The following ZCCHC14 variants were observed in gnomAD, a reference collection of about 807,000 sequenced individuals.
ZCCHC14 encodes zinc finger CCHC domain-containing protein 14.
ZCCHC14 carries 16 observed loss-of-function variants against 85.0 expected under a neutral mutation model. That is an observed-to-expected ratio of 0.19 (90% CI 0.13 to 0.29). The LOEUF (loss-of-function observed/expected upper bound fraction) is 0.29. Among genes scored for constraint, ZCCHC14 ranks in the 10% least tolerant of loss-of-function variants. The probability of loss-of-function intolerance (pLI) is 1.00; values close to 1 mark genes in which losing one functional copy is unlikely to be tolerated. For missense variants in ZCCHC14, 1,303 were observed against 1,443.5 expected (o/e 0.90, Z 1.58); for synonymous variants, 775 against 630.7 (o/e 1.23, Z -3.43).
At chr16:87,463,589 C>A (rs141327872) in intron 1 of ZCCHC14, among the ~76,000 whole-genome samples, 2,854 of 152,176 alleles carry the variant, frequency 0.019, 58 homozygotes, top group African/African-American at 0.041. Flanking sequence ...GAGGCCGAGG[C>A]GGACAGATCA....
intron 12 of ZCCHC14, among the ~76,000 whole-genome samples, chr16:87,411,066 A>G (rs987947199): frequency 2.6e-5 from 4 of 152,264 alleles, no homozygotes; most frequent in African/African-American, 9.6e-5. Flanking sequence ...CGGAAGATGC[A>G]GCATGGCTGA....
chr16:87,446,849 A>G (rs572935134), intron 2 of ZCCHC14, among the ~76,000 whole-genome samples: 16 of 151,854 alleles, frequency 1.1e-4, no homozygotes, highest in Non-Finnish European at 2.4e-4. Context: ...ATGCCTGGCT[A>G]GTTTTTTTGT....
rs971345801 is a variant in ZCCHC14 at position 87,492,417 on chromosome 16, G to A, written c.-179C>T. The A allele has an allele frequency of 1.4e-5, 2 of 145,108 alleles. No individual in the cohort carries two copies. Among genetic ancestry groups the A allele is most frequent in the Non-Finnish European group, 3.0e-5 (2 of 65,630 alleles). 9.0% of individuals were successfully genotyped at this position (145,108 alleles called of 1,614,324 possible). A position where few individuals can be genotyped will look rare whatever the true frequency, so the allele number is the denominator to read the frequency against. On this transcript the variant is annotated 5_prime_UTR_variant, in exon 1 of 13. Transcript: ENST00000671377. The surrounding 1 kb of genome is among the most constrained non-coding windows in gnomAD (Gnocchi z 6.7). ...GGCGCCGGGGCGGGGGCGGGGACCG[G>A]GGCCGGGCAAGGCTCCCGTCAGGGG...
In ZCCHC14 at chr16:87,448,892, T is replaced by G. The variant is rs568488105; in HGVS notation, c.694+11116A>C. The stretch of plus-strand genomic sequence containing the variant: ...AACCCATGCTGCAGCTGGCTTACGG[T>G]AGTGTAGACTTTCCTATCCTTGAAT... On this transcript the variant is annotated intron_variant, in intron 2 of 12. Transcript: ENST00000671377. Among the ~76,000 whole-genome samples the G allele has an allele frequency of 3.3e-5, 5 of 152,310 alleles. No individual in the cohort carries two copies. In the East Asian group the frequency reaches 9.6e-4, roughly 29 times the overall value.
intron 3 of ZCCHC14, among the ~76,000 whole-genome samples, chr16:87,428,430 G>C (rs1426021577): frequency 6.6e-6 from 1 of 152,212 alleles, no homozygotes; most frequent in East Asian, 1.9e-4. Context: ...TATTGCTCTG[G>C]TCACAGTATA....
At chr16:87,448,931 C>T (rs774226208) in intron 2 of ZCCHC14, among the ~76,000 whole-genome samples, 1 of 151,944 alleles carries the variant, frequency 6.6e-6, no homozygotes, top group Non-Finnish European at 1.5e-5. Context: ...GAGCTGTGGC[C>T]ATAAGACTCA....
intron 2 of ZCCHC14, among the ~76,000 whole-genome samples, chr16:87,458,193 G>A (rs530188767): frequency 6.6e-6 from 1 of 152,280 alleles, no homozygotes; most frequent in South Asian, 2.1e-4. Flanking sequence ...GGTGTGCAGG[G>A]CACAGGTTCC....
chr16:87,413,259 G>A, intron 10 of ZCCHC14, 64 bp from the exon 11 acceptor site: 2 of 1,455,474 alleles, frequency 1.4e-6, no homozygotes, highest in South Asian at 1.4e-5. Flanking sequence ...CCCGCCCCGT[G>A]CCCCTGCATC....
intron 1 of ZCCHC14, among the ~76,000 whole-genome samples, chr16:87,465,819 CTCT>C (rs750616735): frequency 3.7e-4 from 56 of 152,196 alleles, no homozygotes; most frequent in Non-Finnish European, 5.0e-4. Context: ...CAACAGCCTC[CTCT>C]TATTTTTTTA....
At chr16:87,438,883 G>A (rs1423562137) in intron 2 of ZCCHC14, among the ~76,000 whole-genome samples, 2 of 152,224 alleles carry the variant, frequency 1.3e-5, no homozygotes, top group Non-Finnish European at 2.9e-5. Context: ...TGGAGCCTAT[G>A]GCTCCAGAGG....
rs1180972021 is a variant in ZCCHC14 at position 87,419,846 on chromosome 16, T to G, written c.982A>C (p.Lys328Gln). 6.2e-7 allele frequency: 1 copy of G among 1,613,070 alleles called. No individual in the cohort carries two copies. Among genetic ancestry groups the G allele is most frequent in the Non-Finnish European group, 8.5e-7 (1 of 1,179,568 alleles). Residue 328 changes from lysine to glutamine, a missense_variant, in exon 6 of 13, where the codon AAA becomes CAA. By Grantham distance (53) the Lys-to-Gln change is moderately conservative. Coordinates refer to ENST00000671377, the MANE Select transcript of ZCCHC14 (RefSeq NM_015144.3). ...AGAAACCTCCTGACATGGTCATTTT[T>G]CAACACGTGAGAAGGTAATGAGGCC... is the stretch of plus-strand genomic sequence containing the variant. ...YLASLPSHVL[K>Q]NDHVRRFLST...
Position 87,415,173 on chromosome 16 carries a change from A to G in ZCCHC14, c.1475+103T>C, listed in dbSNP as rs544080162. On this transcript the variant is annotated intron_variant, in intron 9 of 12. Transcript: ENST00000671377. ...GGCTAAGGACTGGATAAGCAACAGG[A>G]ACTAATCCAATCACTAGTATTTAGC... The G allele has an allele frequency of 2.4e-3, 2,171 of 890,424 alleles. 10 individuals are homozygous for G. The highest frequency in any genetic ancestry group is 0.014 in the Middle Eastern group (66 of 4,648). 55.2% of individuals were successfully genotyped at this position (890,424 alleles called of 1,614,324 possible). A position where few individuals can be genotyped will look rare whatever the true frequency, so the allele number is the denominator to read the frequency against.
At chr16:87,489,447 G>C (rs1233870780) in intron 1 of ZCCHC14, among the ~76,000 whole-genome samples, 2 of 152,204 alleles carry the variant, frequency 1.3e-5, no homozygotes, top group Non-Finnish European at 2.9e-5. Context: ...CTTTAAGTTA[G>C]CAAACCTCTA....
rs1908330437 is a variant in ZCCHC14, at chr16:87,409,245, A to G, written c.*1035T>C. The G allele has an allele frequency of 6.6e-6, 1 of 151,968 alleles. No homozygotes were observed. Among genetic ancestry groups the G allele is most frequent in the Admixed American group, 6.6e-5 (1 of 15,252 alleles). The allele number at this position is 151,968 out of a possible 1,614,324, so 9.4% of individuals were successfully genotyped here. Reference sequence around the variant, plus strand: ...TTTTGCTGATAAATGACAGGACTGTATCATTGTTGAAATGTCTGTCTCAGG... The same window carrying G: ...TTTTGCTGATAAATGACAGGACTGTGTCATTGTTGAAATGTCTGTCTCAGG... On this transcript the variant is annotated 3_prime_UTR_variant, in exon 13 of 13. Transcript: ENST00000671377.
intron 1 of ZCCHC14, among the ~76,000 whole-genome samples, chr16:87,484,386 C>A (rs569014356): frequency 6.6e-6 from 1 of 151,996 alleles, no homozygotes; most frequent in Admixed American, 6.6e-5. Context: ...AATACTCTTC[C>A]GAAAAAATTG....
At chr16:87,485,180 T>C (rs1464209807) in intron 1 of ZCCHC14, among the ~76,000 whole-genome samples, 3 of 152,206 alleles carry the variant, frequency 2.0e-5, no homozygotes, top group African/African-American at 7.2e-5. Context: ...TGTGAAGACC[T>C]GTCCTGCTTA....
intron 6 of ZCCHC14, 117 bp downstream of exon 6, chr16:87,419,666 C>A (rs1908986728): frequency 1.3e-6 from 1 of 779,384 alleles, no homozygotes; most frequent in Non-Finnish European, 1.9e-6. Context: ...GAACTCCCAA[C>A]CTCAGGTGAT....
chr16:87,416,158 T>G (rs1908772406), intron 8 of ZCCHC14, among the ~76,000 whole-genome samples: 1 of 151,996 alleles, frequency 6.6e-6, no homozygotes, highest in Non-Finnish European at 1.5e-5. Context: ...ACTCCTGACC[T>G]CAGATGATCC....
intron 2 of ZCCHC14, among the ~76,000 whole-genome samples, chr16:87,435,800 T>G (rs1053819615): frequency 3.9e-5 from 6 of 152,222 alleles, no homozygotes; most frequent in African/African-American, 1.4e-4. Context: ...CTATAAAAAA[T>G]ACAAATGTTT....
Sources: allele counts gnomAD v4.1 joint callset (sites outside exome capture counted in the v4.1 genomes callset), GRCh38; gene constraint gnomAD v4.1.1; non-coding constraint Gnocchi (gnomAD v3.1); transcripts MANE v1.5; gene names NCBI Gene and HGNC (gene_info 2026-07-23, HGNC 2026-07-21).